The following PON2 variants were observed in gnomAD, a reference collection of about 807,000 sequenced individuals.
PON2 encodes paraoxonase 2.
Under a neutral mutation model 36.6 loss-of-function variants are expected in PON2, and 27 were observed. That is an observed-to-expected ratio of 0.74 (90% CI 0.54 to 1.02). PON2 has a LOEUF of 1.02. Among genes scored for constraint, PON2 ranks in the 50% least tolerant of loss-of-function variants. PON2 has a pLI of 0.00. For synonymous variants in PON2, 149 were observed against 156.3 expected (o/e 0.95, Z 0.35); for missense variants, 363 against 421.1 (o/e 0.86, Z 1.21).
At chr7:95,423,505 C>T (rs2116493805) in intron 2 of PON2, among the ~76,000 whole-genome samples, 1 of 152,018 alleles carries the variant, frequency 6.6e-6, no homozygotes, top group East Asian at 1.9e-4. Flanking sequence ...CAGAGAGACC[C>T]TCAGTGCTGG....
At chr7:95,416,063 A>C in intron 3 of PON2, 179 bp downstream of exon 3, 1 of 1,112,168 alleles carries the variant, frequency 9.0e-7, no homozygotes, top group South Asian at 1.6e-5. Context: ...ATGGGCAAAG[A>C]GTCTTCATCT....
rs1029455490 is a variant in PON2 at position 95,409,826 on chromosome 7, CAAAG to C, written c.695+71_695+74del. On this transcript the variant is annotated intron_variant, in intron 6 of 8. Coordinates refer to ENST00000222572, the MANE Select transcript of PON2 (RefSeq NM_000305.3). ...GTCAAGAAAACTATTTTCACATTGACAAAGAAAGCAAAGTAAAGAATTTGGCCAG... is the reference window on the plus strand; with the variant it reads ...GTCAAGAAAACTATTTTCACATTGACAAAGCAAAGTAAAGAATTTGGCCAG... The C allele has an allele frequency of 3.6e-4, 476 of 1,323,550 alleles. 1 individual carries two copies. Among genetic ancestry groups the C allele is most frequent in the Non-Finnish European group, 3.4e-4 (316 of 924,104 alleles). 82.0% of individuals were successfully genotyped at this position (1,323,550 alleles called of 1,614,324 possible). A position where few individuals can be genotyped will look rare whatever the true frequency, so the allele number is the denominator to read the frequency against.
Position 95,425,881 on chromosome 7 carries a change from T to C in PON2, c.75-1296A>G, listed in dbSNP as rs144782675. Among the ~76,000 whole-genome samples the C allele has an allele frequency of 6.7e-3, 1,013 of 152,124 alleles. 2 individuals carry two copies. Among genetic ancestry groups the C allele is most frequent in the Non-Finnish European group, 0.01 (680 of 67,998 alleles). On this transcript the variant is annotated intron_variant, in intron 1 of 8. Coordinates refer to ENST00000222572, the MANE Select transcript of PON2 (RefSeq NM_000305.3). ...CAAATAAATCAATATTTAAATATAA[T>C]AAAAAATAATGCATTAAATGTATTA... is the stretch of plus-strand genomic sequence containing the variant.
At chr7:95,409,806 G>T (rs1038225652) in intron 6 of PON2, 95 bp downstream of exon 6, 1 of 1,001,690 alleles carries the variant, frequency 1.0e-6, no homozygotes, top group African/African-American at 1.6e-5. Context: ...TAAATGTCAA[G>T]AAAACTATTT....
At chr7:95,431,440 G>C (rs1194961774) in intron 1 of PON2, among the ~76,000 whole-genome samples, 2 of 147,602 alleles carry the variant, frequency 1.4e-5, no homozygotes, top group Admixed American at 6.8e-5. Context: ...TTTTTTTTTT[G>C]AGGGAGTCTT....
In PON2 at chr7:95,411,789, T is replaced by C; in HGVS notation, c.368-10A>G. 1 of 1,613,062 alleles carries C rather than the reference T, an allele frequency of 6.2e-7. No individual in the cohort carries two copies. The highest frequency in any genetic ancestry group is 8.5e-7 in the Non-Finnish European group (1 of 1,179,360). On this transcript the variant is annotated splice_polypyrimidine_tract_variant and intron_variant, in intron 4 of 8. Transcript: ENST00000222572. The stretch of plus-strand genomic sequence containing the variant: ...AGATAAACTGTGTCATCTAAAGAAT[T>C]GAAAGAACAGAGTTAATTTACAAGA...
chr7:95,428,012 T>C (rs1789354981), intron 1 of PON2, among the ~76,000 whole-genome samples: 3 of 152,232 alleles, frequency 2.0e-5, no homozygotes, highest in Admixed American at 6.5e-5. Flanking sequence ...GTCTATAACA[T>C]GCTTATGACT....
chr7:95,433,271 T>TATTTATTTATTC (rs1562794963), intron 1 of PON2, among the ~76,000 whole-genome samples: 1 of 152,136 alleles, frequency 6.6e-6, no homozygotes, highest in African/African-American at 2.4e-5. Flanking sequence ...TTTATTTATT[T>TATTTATTTATTC]ATTCATTTTG....
chr7:95,417,849 AAAG>A (rs1218911183), intron 2 of PON2, among the ~76,000 whole-genome samples: 6 of 110,548 alleles, frequency 5.4e-5, no homozygotes, highest in Admixed American at 9.7e-5. Flanking sequence ...ACACGTGGAA[AAAG>A]AAGATATATA....
chr7:95,424,937 A>C (rs1789281121), intron 1 of PON2, among the ~76,000 whole-genome samples: 1 of 152,194 alleles, frequency 6.6e-6, no homozygotes, highest in Non-Finnish European at 1.5e-5. Flanking sequence ...TTCCAGATGT[A>C]GAACCAGTAG....
At chr7:95,430,089 G>T (rs561648380) in intron 1 of PON2, among the ~76,000 whole-genome samples, 1 of 152,258 alleles carries the variant, frequency 6.6e-6, no homozygotes, top group East Asian at 1.9e-4. Context: ...TAAAAGGGAA[G>T]ATATCTATGA....
chr7:95,426,263 C>CAAAG (rs143252878), intron 1 of PON2, among the ~76,000 whole-genome samples: 78,515 of 151,436 alleles, frequency 0.52, 20,891 homozygotes, highest in Non-Finnish European at 0.57. Context: ...AATTATAAAA[C>CAAAG]AGAGAGAGAA....
intron 3 of PON2, among the ~76,000 whole-genome samples, chr7:95,413,401 T>G (rs1788986498): frequency 6.6e-6 from 1 of 152,252 alleles, no homozygotes; most frequent in Non-Finnish European, 1.5e-5. Context: ...GTTGTGGTGT[T>G]GGGTATTTTC....
Position 95,424,300 on chromosome 7 carries a change from T to C in PON2, c.145+215A>G, listed in dbSNP as rs74321576. 1,158 of 575,390 alleles carry C rather than the reference T, an allele frequency of 2.0e-3. 15 individuals carry two copies. The highest frequency in any genetic ancestry group is 0.02 in the African/African-American group (1,065 of 53,192). 35.6% of individuals were successfully genotyped at this position (575,390 alleles called of 1,614,324 possible). ...AAGAAATCAAATGCTAAACATAGAA[T>C]TACACACAAAAAAGAATAATTTACA... is the stretch of plus-strand genomic sequence containing the variant. On this transcript the variant is annotated intron_variant, in intron 2 of 8. Transcript: ENST00000222572.
chr7:95,428,586 A>C (rs936429418), intron 1 of PON2, among the ~76,000 whole-genome samples: 2 of 152,198 alleles, frequency 1.3e-5, no homozygotes, highest in African/African-American at 2.4e-5. Flanking sequence ...CATTCATTGC[A>C]ACTTCAAAAT....
chr7:95,434,975 C>G lies in PON2; in HGVS notation c.-24G>C. 1 of 1,518,488 alleles carries G rather than the reference C, an allele frequency of 6.6e-7. No individual in the cohort carries two copies. Among genetic ancestry groups the G allele is most frequent in the Admixed American group, 2.0e-5 (1 of 49,494 alleles). The allele number at this position is 1,518,488 out of a possible 1,614,324, so 94.1% of individuals were successfully genotyped here. The stretch of plus-strand genomic sequence containing the variant: ...ATGGCGCGGGAGCCGGGCGCGCTGC[C>G]TCGCTCCGGCCTGGCCAGCAGCTCC... On this transcript the variant is annotated 5_prime_UTR_variant, in exon 1 of 9. Transcript: ENST00000222572.
At chr7:95,407,552 TA>T (rs1416265380) in intron 6 of PON2, among the ~76,000 whole-genome samples, 2 of 152,202 alleles carry the variant, frequency 1.3e-5, no homozygotes, top group Non-Finnish European at 2.9e-5. Flanking sequence ...CAATGCAGAA[TA>T]ATCTGTCTAC....
In PON2 at chr7:95,411,669, G is replaced by A. The variant is rs1335252419; in HGVS notation, c.478C>T (p.His160Tyr). The A allele has an allele frequency of 2.5e-6, 4 of 1,613,980 alleles. No individual in the cohort carries two copies. Among genetic ancestry groups the A allele is most frequent in the Non-Finnish European group, 3.4e-6 (4 of 1,179,922 alleles). Residue 160 changes from histidine (H) to tyrosine (Y), a missense_variant, in exon 5 of 9, where the codon CAT (histidine) becomes TAT (tyrosine). By Grantham distance (83) the His-to-Tyr change is moderately conservative. Coordinates refer to ENST00000222572, the MANE Select transcript of PON2 (RefSeq NM_000305.3). The stretch of plus-strand genomic sequence containing the variant: ...AGGAAGTACCTTGGAAGAAGCTCAT[G>A]TTTGACTGTTTTCAGATGCAACAGA... Reference protein sequence around the residue: ...NSLLHLKTVKHELLPSVNDIT... With the variant: ...NSLLHLKTVKYELLPSVNDIT...
Position 95,405,228 on chromosome 7 carries a change from C to T in PON2, c.*102G>A. On this transcript the variant is annotated 3_prime_UTR_variant, in exon 9 of 9. Coordinates refer to ENST00000222572, the MANE Select transcript of PON2 (RefSeq NM_000305.3). Reference sequence around the variant, plus strand: ...CTGGAATAAAATTAACTACACATGCCATACATTTCTGGGTCAATGTTGCTG... The same window carrying T: ...CTGGAATAAAATTAACTACACATGCTATACATTTCTGGGTCAATGTTGCTG... 1.6e-6 allele frequency: 2 copies of T among 1,247,748 alleles called. No individual in the cohort carries two copies. The allele number at this position is 1,247,748 out of a possible 1,614,324, so 77.3% of individuals were successfully genotyped here.
Sources: allele counts gnomAD v4.1 joint callset (sites outside exome capture counted in the v4.1 genomes callset), GRCh38; gene constraint gnomAD v4.1.1; transcripts MANE v1.5; gene names NCBI Gene and HGNC (gene_info 2026-07-23, HGNC 2026-07-21).